The following PTPRN2 variants were observed in gnomAD, a reference collection of about 807,000 sequenced individuals.
PTPRN2 encodes the protein protein tyrosine phosphatase receptor type N2.
In PTPRN2, 74 loss-of-function variants were observed where a neutral mutation model predicts 118.8. That is an observed-to-expected ratio of 0.62 (90% CI 0.52 to 0.76). The LOEUF is 0.76. Among genes scored for constraint, PTPRN2 ranks in the 30% least tolerant of loss-of-function variants. The pLI is 0.00. For synonymous variants in PTPRN2, 641 were observed against 608.0 expected (o/e 1.05, Z -0.80); for missense variants, 1,481 against 1,394.4 (o/e 1.06, Z -0.99).
At chr7:158,237,938 G>A (rs1009111445) in intron 3 of PTPRN2, among the ~76,000 whole-genome samples, 12 of 152,112 alleles carry the variant, frequency 7.9e-5, no homozygotes, top group Non-Finnish European at 1.6e-4. Flanking sequence ...GCAGCCCGGC[G>A]GCTGCCATGG....
At chr7:158,201,325 G>A (rs916466844) in intron 4 of PTPRN2, among the ~76,000 whole-genome samples, 5 of 152,114 alleles carry the variant, frequency 3.3e-5, no homozygotes, top group African/African-American at 9.7e-5. Context: ...TATCTAAGAG[G>A]TCTGGGAAGT....
intron 6 of PTPRN2, among the ~76,000 whole-genome samples, chr7:158,149,411 A>G (rs534750163): frequency 6.6e-6 from 1 of 151,946 alleles, no homozygotes. Flanking sequence ...AAAACATAAA[A>G]TGTATAAGAT....
At position 157,874,557 on chromosome 7, in the gene PTPRN2, C is replaced by T. The variant is rs993160222; in HGVS notation, c.1788+24116G>A. On this transcript the variant is annotated intron_variant, in intron 12 of 22. Transcript: ENST00000389418. This position sits in a 1 kb window ranked among gnomAD's most constrained non-coding sequence, Gnocchi z 5.8. Reference sequence around the variant, plus strand: ...CAGTGAAGCTTCGGGGTCACCTGCACGGCCTCTCGTGAGTAGGGGGATTTC... The same window carrying T: ...CAGTGAAGCTTCGGGGTCACCTGCATGGCCTCTCGTGAGTAGGGGGATTTC... Among the ~76,000 whole-genome samples the T allele has an allele frequency of 5.3e-5, 8 of 152,206 alleles. No homozygotes were observed. Among genetic ancestry groups the T allele is most frequent in the African/African-American group, 1.9e-4 (8 of 41,450 alleles).
At chr7:157,802,130 C>T (rs1417994738) in intron 12 of PTPRN2, among the ~76,000 whole-genome samples, 2 of 152,194 alleles carry the variant, frequency 1.3e-5, no homozygotes, top group Non-Finnish European at 2.9e-5. Context: ...TTGACACTTC[C>T]CTGAGTGTGC....
chr7:157,755,985 G>A (rs1427102707), intron 12 of PTPRN2, among the ~76,000 whole-genome samples: 1 of 152,196 alleles, frequency 6.6e-6, no homozygotes, highest in Non-Finnish European at 1.5e-5. Context: ...GGCGGGGCTG[G>A]CATTGTGTAG....
chr7:158,111,671 G>C (rs1347466050), intron 9 of PTPRN2, among the ~76,000 whole-genome samples: 1 of 152,194 alleles, frequency 6.6e-6, no homozygotes, highest in Non-Finnish European at 1.5e-5. Context: ...TCCAGTGAGC[G>C]TGCAGGATGC....
At chr7:158,545,060 G>T (rs781619727) in intron 1 of PTPRN2, among the ~76,000 whole-genome samples, 2 of 152,184 alleles carry the variant, frequency 1.3e-5, no homozygotes, top group African/African-American at 4.8e-5. Context: ...CCCCACCCAC[G>T]GCGAGGAAGG....
At chr7:158,420,833 G>A (rs1815185974) in intron 2 of PTPRN2, among the ~76,000 whole-genome samples, 1 of 152,226 alleles carries the variant, frequency 6.6e-6, no homozygotes, top group South Asian at 2.1e-4. Flanking sequence ...GGGATGAAGT[G>A]ACGGCTCGGA....
chr7:157,878,245 A>C (rs533023852), intron 12 of PTPRN2, among the ~76,000 whole-genome samples: 2 of 152,342 alleles, frequency 1.3e-5, no homozygotes, highest in Non-Finnish European at 2.9e-5. Flanking sequence ...AAGAGCACGG[A>C]CCCTGAGGCT....
At chr7:158,016,487 T>A (rs1806470018) in intron 11 of PTPRN2, among the ~76,000 whole-genome samples, 1 of 152,192 alleles carries the variant, frequency 6.6e-6, no homozygotes, top group African/African-American at 2.4e-5. Context: ...TCTCTGAAGG[T>A]CATTAGAGAT....
At chr7:157,747,186 T>C (rs1801012693) in intron 12 of PTPRN2, among the ~76,000 whole-genome samples, 1 of 130,506 alleles carries the variant, frequency 7.7e-6, no homozygotes, top group Non-Finnish European at 1.6e-5. Context: ...CTGTGGGGTG[T>C]GCGGGTGATT....
intron 12 of PTPRN2, among the ~76,000 whole-genome samples, chr7:157,810,392 C>G (rs975795327): frequency 3.3e-5 from 5 of 152,048 alleles, no homozygotes; most frequent in Non-Finnish European, 1.5e-5. Flanking sequence ...TGGGCACAGG[C>G]TCTCCACGGG....
chr7:158,565,856 C>T lies in PTPRN2; in HGVS notation c.112+21702G>A, dbSNP rs1422233006. On this transcript the variant is annotated intron_variant, in intron 1 of 22. Coordinates refer to ENST00000389418, the MANE Select transcript of PTPRN2 (RefSeq NM_002847.5). This position sits in a 1 kb window ranked among gnomAD's most constrained non-coding sequence, Gnocchi z 4.6. ...GATGCAGGATATTCTGATGAGGAAA[C>T]CGAGGCATGGAGCTTCTTAGGAACT... 6.6e-6 allele frequency among the ~76,000 whole-genome samples: 1 copy of T among 152,206 alleles called. No homozygotes were observed. The highest frequency in any genetic ancestry group is 1.5e-5 in the Non-Finnish European group (1 of 68,040).
intron 2 of PTPRN2, among the ~76,000 whole-genome samples, chr7:158,455,972 G>A (rs556916610): frequency 4.6e-5 from 7 of 150,680 alleles, no homozygotes; most frequent in Non-Finnish European, 5.9e-5. Flanking sequence ...CGGCATGGAC[G>A]CCATCGGCCA....
At chr7:158,087,305 T>C (rs1310691283) in intron 10 of PTPRN2, among the ~76,000 whole-genome samples, 1 of 152,218 alleles carries the variant, frequency 6.6e-6, no homozygotes, top group Non-Finnish European at 1.5e-5. Flanking sequence ...GGACTGTCTC[T>C]TTCCCGACCC....
intron 1 of PTPRN2, among the ~76,000 whole-genome samples, chr7:158,582,594 T>G (rs888114673): frequency 6.6e-6 from 1 of 151,912 alleles, no homozygotes; most frequent in Non-Finnish European, 1.5e-5. Flanking sequence ...TTTTGTTCAT[T>G]TTTTAGTTAT....
intron 21 of PTPRN2, among the ~76,000 whole-genome samples, chr7:157,555,193 T>G (rs775182419): frequency 2.0e-5 from 3 of 152,234 alleles, no homozygotes; most frequent in Non-Finnish European, 2.9e-5. Context: ...TCGCTCTCAT[T>G]GTTATTTTCT....
chr7:157,999,087 C>T (rs1805019143), intron 11 of PTPRN2, among the ~76,000 whole-genome samples: 2 of 152,084 alleles, frequency 1.3e-5, no homozygotes. Context: ...GGCCCCTACA[C>T]TATGCCCACC....
chr7:157,640,430 A>G (rs996200281), intron 14 of PTPRN2, among the ~76,000 whole-genome samples: 2 of 152,256 alleles, frequency 1.3e-5, no homozygotes, highest in Non-Finnish European at 2.9e-5. Context: ...GGGAATAAGA[A>G]GGTACAACTT....
Sources: gnomAD v4.1 joint callset for allele counts (sites outside exome capture counted in the v4.1 genomes callset) on GRCh38, gnomAD v4.1.1 for gene constraint, Gnocchi (gnomAD v3.1) non-coding constraint, MANE v1.5 for transcripts, NCBI Gene and HGNC (gene_info 2026-07-23, HGNC 2026-07-21) for gene names.